Variants in RP1 observed in about 807,000 individuals in gnomAD.
The protein encoded by RP1 is oxygen-regulated protein 1.
RP1 carries 16 observed loss-of-function variants against 14.8 expected under a neutral mutation model. The observed-to-expected ratio is 1.08, with a 90% CI of 0.73 to 1.65. The LOEUF is 1.65. RP1 is among the 40% of genes most tolerant of loss of function. The pLI is 0.00. For synonymous variants in RP1, 876 were observed against 883.6 expected (o/e 0.99, Z 0.15); for missense variants, 2,631 against 2,535.0 (o/e 1.04, Z -0.81).
Position 54,766,628 on chromosome 8 carries a change from C to T in RP1, c.3249-3113C>T, listed in dbSNP as rs575230756. On this transcript the variant is annotated intron_variant, in intron 22 of 22. Coordinates refer to the RP1 transcript ENST00000636932. ...AAAGTGTGCCAAATATAAAATATAT[C>T]TCAGACTAAATAAAATCTGTACTAC... is the stretch of plus-strand genomic sequence containing the variant. Among the ~76,000 whole-genome samples the T allele has an allele frequency of 1.7e-4, 26 of 152,268 alleles. No homozygotes were observed. In the South Asian group the frequency reaches 4.4e-3, roughly 26 times the overall value.
chr8:54,739,952 C>A lies in RP1; in HGVS notation c.2808+923C>A, dbSNP rs147414376. Among the ~76,000 whole-genome samples the A allele has an allele frequency of 4.5e-3, 685 of 151,724 alleles. 5 individuals are homozygous for A. Among genetic ancestry groups the A allele is most frequent in the African/African-American group, 0.016 (647 of 41,354 alleles). On this transcript the variant is annotated intron_variant, in intron 19 of 22. Coordinates refer to the RP1 transcript ENST00000636932. ...AGGTGTAAACAAACCTACTGTGCTGCCAGTTGTGTAGAAGAATAGCATATT... is the reference window on the plus strand; with the variant it reads ...AGGTGTAAACAAACCTACTGTGCTGACAGTTGTGTAGAAGAATAGCATATT...
intron 22 of RP1, among the ~76,000 whole-genome samples, chr8:54,764,720 A>G (rs964293357): frequency 6.6e-6 from 1 of 152,216 alleles, no homozygotes; most frequent in Non-Finnish European, 1.5e-5. Context: ...GCATTAATCA[A>G]GACACTATAA....
At chr8:54,831,920 G>C (rs1811539578) in intron 24 of RP1, among the ~76,000 whole-genome samples, 1 of 151,536 alleles carries the variant, frequency 6.6e-6, no homozygotes, top group African/African-American at 2.4e-5. Flanking sequence ...TTTTTTGCTA[G>C]ATATGAAACT....
At position 54,819,667 on chromosome 8, in the gene RP1, G is replaced by T. The variant is rs1307612233; in HGVS notation, c.3616-17783G>T. On this transcript the variant is annotated intron_variant, in intron 24 of 28. Transcript: ENST00000637698. ...GTTGTGATCTGAGTCTTTGGGCACT[G>T]TGGTAGTATCTGCATTAGGGGGCAC... Among the ~76,000 whole-genome samples the T allele has an allele frequency of 2.6e-5, 4 of 152,184 alleles. No individual in the cohort carries two copies. In the East Asian group the frequency reaches 7.7e-4, roughly 29 times the overall value.
At position 54,733,154 on chromosome 8, in the gene RP1, A is replaced by G. The variant is rs142099391; in HGVS notation, c.2522-1391A>G. ...ATGCCTATCAAGCTTGTTTAAGTGCAGGTGCGTTGCAGTTAAACATCCCAT... is the reference window on the plus strand; with the variant it reads ...ATGCCTATCAAGCTTGTTTAAGTGCGGGTGCGTTGCAGTTAAACATCCCAT... On this transcript the variant is annotated intron_variant, in intron 17 of 22. Coordinates refer to the RP1 transcript ENST00000636932. 3.4e-3 allele frequency among the ~76,000 whole-genome samples: 512 copies of G among 152,316 alleles called. 1 individual carries two copies. Among genetic ancestry groups the G allele is most frequent in the African/African-American group, 0.012 (486 of 41,580 alleles).
intron 1 of RP1, among the ~76,000 whole-genome samples, chr8:54,574,427 G>A (rs1009169789): frequency 2.0e-5 from 3 of 152,096 alleles, no homozygotes; most frequent in Non-Finnish European, 2.9e-5. Context: ...AGCATGGCAC[G>A]GGCCTCAAGG....
At chr8:54,586,028 C>A (rs1217526705) in intron 1 of RP1, among the ~76,000 whole-genome samples, 1 of 152,204 alleles carries the variant, frequency 6.6e-6, no homozygotes, top group South Asian at 2.1e-4. Flanking sequence ...AGCTTTGTTC[C>A]GTTGCAGGTG....
chr8:54,613,153 T>G (rs201820959), upstream of RP1, among the ~76,000 whole-genome samples: 10 of 152,192 alleles, frequency 6.6e-5, no homozygotes, highest in East Asian at 1.9e-3. Context: ...GGGGAATGGG[T>G]TTTTACAGGG....
chr8:54,792,564 G>A (rs1006011947), intron 24 of RP1, among the ~76,000 whole-genome samples: 1 of 151,796 alleles, frequency 6.6e-6, no homozygotes, highest in African/African-American at 2.4e-5. Flanking sequence ...AAAATTGGAA[G>A]ATTTACAAAT....
chr8:54,853,894 A>G (rs1303577631), intron 26 of RP1, among the ~76,000 whole-genome samples: 1 of 150,988 alleles, frequency 6.6e-6, no homozygotes, highest in Non-Finnish European at 1.5e-5. Context: ...AAAAAGAAAA[A>G]AGAAGGAAAG....
At chr8:54,782,414 T>C (rs1447992842) in intron 23 of RP1, among the ~76,000 whole-genome samples, 3 of 152,182 alleles carry the variant, frequency 2.0e-5, no homozygotes, top group Non-Finnish European at 4.4e-5. Context: ...TAGCATTGTG[T>C]TTTTAAAAGA....
chr8:54,571,107 G>A (rs1203943309), intron 1 of RP1, among the ~76,000 whole-genome samples: 1 of 152,164 alleles, frequency 6.6e-6, no homozygotes, highest in African/African-American at 2.4e-5. Context: ...TTAGAGAAAG[G>A]GGAGGCCCTG....
At chr8:54,716,349 T>A (rs554741697) in intron 15 of RP1, among the ~76,000 whole-genome samples, 156 of 152,290 alleles carry the variant, frequency 1.0e-3, no homozygotes, top group African/African-American at 3.4e-3. Flanking sequence ...ATAATTTTTT[T>A]AAATTATTTA....
At chr8:54,755,832 A>T in intron 21 of RP1, 1 of 1,368,314 alleles carries the variant, frequency 7.3e-7, no homozygotes, top group South Asian at 1.6e-5. Context: ...GCCACATATG[A>T]TTTAAAATTT....
intron 17 of RP1, chr8:54,734,535 T>A: frequency 6.5e-7 from 1 of 1,530,010 alleles, no homozygotes; most frequent in South Asian, 1.2e-5. Flanking sequence ...AATGCTTTTT[T>A]CCCCCATAGA....
At chr8:54,607,987 C>T (rs951753503) in intron 1 of RP1, among the ~76,000 whole-genome samples, 1 of 152,084 alleles carries the variant, frequency 6.6e-6, no homozygotes, top group Non-Finnish European at 1.5e-5. Context: ...ACCCCTTGCA[C>T]TTCCTGGGTG....
upstream of RP1, among the ~76,000 whole-genome samples, chr8:54,614,070 C>T (rs1805657499): frequency 6.6e-6 from 1 of 152,184 alleles, no homozygotes; most frequent in South Asian, 2.1e-4. Context: ...CACCAATGAG[C>T]CTATAAAGCA....
rs538340986 is a variant in RP1 at position 54,576,292 on chromosome 8, G to A, written c.-13+16972G>A. Among the ~76,000 whole-genome samples, 540 of 152,242 alleles carry A rather than the reference G, an allele frequency of 3.5e-3. 1 individual carries two copies. The highest frequency in any genetic ancestry group is 5.5e-3 in the Non-Finnish European group (375 of 68,014). On this transcript the variant is annotated intron_variant, in intron 1 of 22. Transcript: ENST00000636932. ...GATCTCCTGACTTCGTGATCCGCCC[G>A]CCTCGGCCTCCCAAAGTGCTGGGAT... is the stretch of plus-strand genomic sequence containing the variant.
intron 17 of RP1, among the ~76,000 whole-genome samples, chr8:54,729,104 G>A (rs771902895): frequency 1.1e-4 from 17 of 152,148 alleles, no homozygotes; most frequent in Admixed American, 2.6e-4. Flanking sequence ...CATTCAAACC[G>A]AATATAAAAA....
Sources: allele counts gnomAD v4.1 joint callset (sites outside exome capture counted in the v4.1 genomes callset), GRCh38; gene constraint gnomAD v4.1.1; transcripts MANE v1.5; gene names NCBI Gene and HGNC (gene_info 2026-07-23, HGNC 2026-07-21).